Variants in SYT1 observed in about 807,000 individuals in gnomAD.
SYT1 encodes synaptotagmin 1.
In SYT1, 8 loss-of-function variants were observed where a neutral mutation model predicts 44.8. The ratio of observed to expected loss-of-function variants is 0.18; its 90% confidence interval spans 0.10 to 0.32. SYT1 has a LOEUF of 0.32. Among genes scored for constraint, SYT1 ranks in the 10% least tolerant of loss-of-function variants. The probability of loss-of-function intolerance (pLI) is 1.00; values close to 1 mark genes in which losing one functional copy is unlikely to be tolerated. For synonymous variants in SYT1, 154 were observed against 188.8 expected, an observed-to-expected ratio of 0.82 and a Z score of 1.51; for missense variants, 286 against 509.3, an observed-to-expected ratio of 0.56 and a Z score of 4.22.
rs558601731 is a variant in SYT1 at position 79,391,182 on chromosome 12, G to T, written c.928+37563G>T. On this transcript the variant is annotated intron_variant, in intron 9 of 10. Coordinates refer to ENST00000261205, the MANE Select transcript of SYT1 (RefSeq NM_005639.3). ...TGTTTTCAATTGGCAGAATGCATTA[G>T]AAGTTCTGGGGGGCATTTGTTAAAA... Among the ~76,000 whole-genome samples, 69 of 152,322 alleles carry T rather than the reference G, an allele frequency of 4.5e-4. 1 individual carries two copies. In the South Asian group the frequency reaches 0.014, roughly 31 times the overall value.
intron 1 of SYT1, among the ~76,000 whole-genome samples, chr12:78,928,180 A>T (rs572168330): frequency 2.6e-5 from 4 of 152,234 alleles, no homozygotes; most frequent in Non-Finnish European, 4.4e-5. Context: ...CTTCATTTTA[A>T]AGTACAGTAG....
intron 3 of SYT1, among the ~76,000 whole-genome samples, chr12:79,215,613 G>A (rs1182908829): frequency 1.3e-5 from 2 of 152,108 alleles, no homozygotes; most frequent in Non-Finnish European, 1.5e-5. Context: ...GTAGGATCAT[G>A]CGAGCCCAGG....
At chr12:79,374,250 A>G (rs574604909) in intron 9 of SYT1, among the ~76,000 whole-genome samples, 1 of 152,338 alleles carries the variant, frequency 6.6e-6, no homozygotes, top group East Asian at 1.9e-4. Flanking sequence ...GGGTGCCAGA[A>G]GTAAATATTT....
intron 3 of SYT1, among the ~76,000 whole-genome samples, chr12:79,056,555 T>G (rs1565785650): frequency 6.6e-6 from 1 of 152,022 alleles, no homozygotes; most frequent in Non-Finnish European, 1.5e-5. Context: ...ATGAAATTAT[T>G]TTCTTTGTAA....
rs559336129 is a variant in SYT1, at chr12:79,444,339, T to C, written c.1062+133T>C. 38 of 1,130,096 alleles carry C rather than the reference T, an allele frequency of 3.4e-5. No individual in the cohort carries two copies. In the East Asian group the frequency reaches 8.7e-4, roughly 26 times the overall value. The allele number at this position is 1,130,096 out of a possible 1,614,324, so 70.0% of individuals were successfully genotyped here. A position where few individuals can be genotyped will look rare whatever the true frequency, so the allele number is the denominator to read the frequency against. ...CTGCCATTCTTTCTCCCCATGCACA[T>C]TTGATGCTTGAGCTACATCAGGAAG... is the stretch of plus-strand genomic sequence containing the variant. On this transcript the variant is annotated intron_variant, in intron 10 of 10. Transcript: ENST00000261205.
chr12:79,099,581 A>G (rs1199798483), intron 3 of SYT1, among the ~76,000 whole-genome samples: 1 of 152,152 alleles, frequency 6.6e-6, no homozygotes, highest in Non-Finnish European at 1.5e-5. Context: ...GTAAATACAA[A>G]GTAGGGTTTT....
intron 8 of SYT1, among the ~76,000 whole-genome samples, chr12:79,349,179 G>A (rs1030640208): frequency 1.3e-4 from 20 of 150,910 alleles, no homozygotes; most frequent in Middle Eastern, 3.4e-3. Flanking sequence ...AAGAAGGGAC[G>A]GAGGGAAGGA....
chr12:79,008,944 T>C (rs1373167597), intron 2 of SYT1, among the ~76,000 whole-genome samples: 1 of 152,164 alleles, frequency 6.6e-6, no homozygotes, highest in Admixed American at 6.6e-5. Context: ...AATTTTCTTC[T>C]ATAGGAAAAA....
At chr12:79,438,911 T>TAA (rs1465339754) in intron 9 of SYT1, among the ~76,000 whole-genome samples, 2 of 152,138 alleles carry the variant, frequency 1.3e-5, no homozygotes, top group Non-Finnish European at 2.9e-5. Flanking sequence ...GTTTTACAGC[T>TAA]AAGTGGAAAC....
chr12:79,438,327 A>G (rs1392644146), intron 9 of SYT1, among the ~76,000 whole-genome samples: 1 of 152,170 alleles, frequency 6.6e-6, no homozygotes, highest in South Asian at 2.1e-4. Flanking sequence ...AGTAGGATGG[A>G]ATGCCATGCC....
chr12:78,962,628 T>G (rs891009359), intron 1 of SYT1, among the ~76,000 whole-genome samples: 1 of 152,106 alleles, frequency 6.6e-6, no homozygotes, highest in Admixed American at 6.6e-5. Context: ...TCATTCGTAA[T>G]CTCTATAGGA....
intron 4 of SYT1, among the ~76,000 whole-genome samples, chr12:79,235,662 C>T (rs1416526691): frequency 6.7e-6 from 1 of 148,474 alleles, no homozygotes; most frequent in Non-Finnish European, 1.5e-5. Flanking sequence ...TATATAATGA[C>T]ATAGAAGTCA....
chr12:79,224,743 ATTTATTT>A lies in SYT1; in HGVS notation c.166+7065_166+7071del, dbSNP rs1467539772. ...TTTTGTTTTGTTTCATTTTTTATTTATTTATTTTTTATTATTATTATTATTATTATTA... is the reference window on the plus strand; with the variant it reads ...TTTTGTTTTGTTTCATTTTTTATTTATTTATTATTATTATTATTATTATTA... On this transcript the variant is annotated intron_variant, in intron 4 of 10. Coordinates refer to ENST00000261205, the MANE Select transcript of SYT1 (RefSeq NM_005639.3). Among the ~76,000 whole-genome samples, 14 of 52,994 alleles carry A rather than the reference ATTTATTT, an allele frequency of 2.6e-4. 1 individual carries two copies. In the East Asian group the frequency reaches 3.6e-3, roughly 14 times the overall value. The allele number at this position is 52,994 out of a possible 152,430, so 34.8% of individuals were successfully genotyped here.
At chr12:79,410,257 A>T (rs1868360406) in intron 9 of SYT1, among the ~76,000 whole-genome samples, 1 of 152,154 alleles carries the variant, frequency 6.6e-6, no homozygotes, top group Non-Finnish European at 1.5e-5. Flanking sequence ...ATTTTGCAGC[A>T]ATATGAACTA....
chr12:79,264,743 A>C (rs1878032910), intron 4 of SYT1, among the ~76,000 whole-genome samples: 1 of 152,212 alleles, frequency 6.6e-6, no homozygotes, highest in Non-Finnish European at 1.5e-5. Context: ...CATTAGTACA[A>C]ATTTAGTATT....
At chr12:79,066,824 C>CATA (rs1875900187) in intron 3 of SYT1, among the ~76,000 whole-genome samples, 1 of 152,164 alleles carries the variant, frequency 6.6e-6, no homozygotes, top group East Asian at 1.9e-4. Context: ...GTTCCCCTTG[C>CATA]ATAATCCATT....
intron 8 of SYT1, among the ~76,000 whole-genome samples, chr12:79,329,528 A>G (rs1881761928): frequency 6.6e-6 from 1 of 152,224 alleles, no homozygotes; most frequent in Non-Finnish European, 1.5e-5. Flanking sequence ...TGAAATAACT[A>G]GCATGCATGT....
chr12:78,926,079 G>T (rs1489578854), intron 1 of SYT1, among the ~76,000 whole-genome samples: 1 of 151,964 alleles, frequency 6.6e-6, no homozygotes, highest in Admixed American at 6.6e-5. Flanking sequence ...TAAATGTGAA[G>T]AAAATAGCTG....
At chr12:79,306,937 A>G (rs1880425839) in intron 8 of SYT1, among the ~76,000 whole-genome samples, 1 of 152,248 alleles carries the variant, frequency 6.6e-6, no homozygotes, top group Non-Finnish European at 1.5e-5. Context: ...AGTGGGAAGC[A>G]ATGTGAGCAA....
Sources: gnomAD v4.1 joint callset for allele counts (sites outside exome capture counted in the v4.1 genomes callset) on GRCh38, gnomAD v4.1.1 for gene constraint, MANE v1.5 for transcripts, NCBI Gene and HGNC (gene_info 2026-07-23, HGNC 2026-07-21) for gene names.